Variants in OTUD7B observed in about 807,000 individuals in gnomAD.
OTUD7B encodes OTU deubiquitinase 7B, also known as OTU domain-containing protein 7B.
In OTUD7B, 34 loss-of-function variants were observed where a neutral mutation model predicts 82.2. The observed-to-expected ratio is 0.41, with a 90% CI of 0.31 to 0.55. The LOEUF is 0.55. OTUD7B is among the 20% of genes least tolerant of loss of function. The pLI is 0.20. For synonymous variants in OTUD7B, 398 were observed against 402.7 expected (o/e 0.99, Z 0.14); for missense variants, 944 against 1,062.1 (o/e 0.89, Z 1.55).
the OTUD7B span, among the ~76,000 whole-genome samples, chr1:150,048,855 C>T: frequency 2.6e-3 from 393 of 152,118 alleles, 3 homozygotes; most frequent in African/African-American, 9.0e-3. Flanking sequence ...AAATTTGAGA[C>T]GGAGTCTCAC....
At chr1:150,037,683 G>A in the OTUD7B span, among the ~76,000 whole-genome samples, 7 of 151,468 alleles carry the variant, frequency 4.6e-5, no homozygotes, top group Middle Eastern at 3.4e-3. Context: ...TCCACCTCCC[G>A]GATTCAAGCG....
chr1:149,949,202 AC>A, intron 9 of OTUD7B, 119 bp from the exon 10 acceptor site: 1 of 653,984 alleles, frequency 1.5e-6, no homozygotes, highest in Non-Finnish European at 2.7e-6. Context: ...CTCAATTCTT[AC>A]ACGTGAATTA....
the OTUD7B span, among the ~76,000 whole-genome samples, chr1:150,036,813 T>G: frequency 6.6e-6 from 1 of 152,190 alleles, no homozygotes; most frequent in Non-Finnish European, 1.5e-5. Flanking sequence ...AATAAAAAAA[T>G]CTTTGTTCCA....
At chr1:150,055,528 A>G in the OTUD7B span, among the ~76,000 whole-genome samples, 1 of 152,366 alleles carries the variant, frequency 6.6e-6, no homozygotes, top group South Asian at 2.1e-4. Context: ...CATTCGACCC[A>G]GCAATCCCAT....
chr1:149,965,893 T>C lies in OTUD7B; in HGVS notation c.503-15A>G. Reference sequence around the variant, plus strand: ...GTTCAAACGCCCTGTAGAAACAAGATAGTGGAGGAAAAGGAGATTATCCAT... The same window carrying C: ...GTTCAAACGCCCTGTAGAAACAAGACAGTGGAGGAAAAGGAGATTATCCAT... On this transcript the variant is annotated splice_polypyrimidine_tract_variant and intron_variant, in intron 4 of 11. Transcript: ENST00000581312. The C allele has an allele frequency of 6.3e-7, 1 of 1,599,882 alleles. No individual in the cohort carries two copies. Among genetic ancestry groups the C allele is most frequent in the African/African-American group, 1.3e-5 (1 of 74,760 alleles).
rs781785934 is a variant in OTUD7B at position 149,947,355 on chromosome 1, C to T, written c.1239-20G>A. ...ATTACACTATGAAAAAGAGAAAAAACAAATTACTGTCACCTTTTAAAAGCA... is the reference window on the plus strand; with the variant it reads ...ATTACACTATGAAAAAGAGAAAAAATAAATTACTGTCACCTTTTAAAAGCA... On this transcript the variant is annotated intron_variant, in intron 10 of 11. Coordinates refer to ENST00000581312, the MANE Select transcript of OTUD7B (RefSeq NM_020205.4). The T allele has an allele frequency of 6.3e-6, 9 of 1,423,106 alleles. No homozygotes were observed. The highest frequency in any genetic ancestry group is 3.4e-5 in the South Asian group (3 of 87,104). 88.2% of individuals were successfully genotyped at this position (1,423,106 alleles called of 1,614,324 possible).
At chr1:149,973,030 C>T (rs1179911882) in intron 2 of OTUD7B, among the ~76,000 whole-genome samples, 2 of 152,182 alleles carry the variant, frequency 1.3e-5, no homozygotes, top group Non-Finnish European at 2.9e-5. Context: ...CCTCTTCCCT[C>T]ACCACCAAGT....
At chr1:149,958,670 C>A (rs894711718) in intron 7 of OTUD7B, among the ~76,000 whole-genome samples, 1 of 152,006 alleles carries the variant, frequency 6.6e-6, no homozygotes, top group African/African-American at 2.4e-5. Flanking sequence ...ATAATTTTAA[C>A]AATAATCAAA....
In OTUD7B at chr1:149,944,392, T is replaced by G. The variant is rs1553771403; in HGVS notation, c.1997A>C (p.Lys666Thr). The G allele has an allele frequency of 6.2e-7, 1 of 1,614,074 alleles. No homozygotes were observed. The highest frequency in any genetic ancestry group is 1.7e-5 in the Admixed American group (1 of 60,012). The change falls in exon 12 of 12, where the codon AAG becomes ACG. Residue 666 changes from lysine to threonine, a missense_variant. Physicochemically the swap from Lys to Thr is moderately conservative, Grantham distance 78. Coordinates refer to ENST00000581312, the MANE Select transcript of OTUD7B (RefSeq NM_020205.4). ...GIGGGPPPAKKPEPDAREEQP... is the reference protein window; with the variant it reads ...GIGGGPPPAKTPEPDAREEQP... The stretch of plus-strand genomic sequence containing the variant: ...CTCTTCCCTAGCATCTGGCTCTGGC[T>G]TTTTGGCTGGAGGAGGGCCACCCCC...
intron 1 of OTUD7B, among the ~76,000 whole-genome samples, chr1:150,005,221 A>G (rs1652586092): frequency 6.6e-6 from 1 of 152,106 alleles, no homozygotes; most frequent in Non-Finnish European, 1.5e-5. Flanking sequence ...CTTACTCCCA[A>G]CTGGACTGTA....
At chr1:150,029,667 T>A in the OTUD7B span, among the ~76,000 whole-genome samples, 1 of 152,198 alleles carries the variant, frequency 6.6e-6, no homozygotes, top group South Asian at 2.1e-4. Flanking sequence ...GACAAGCAAT[T>A]TGGTGGTTGC....
At chr1:149,985,498 G>T (rs1651068500) in intron 1 of OTUD7B, among the ~76,000 whole-genome samples, 1 of 152,168 alleles carries the variant, frequency 6.6e-6, no homozygotes, top group Non-Finnish European at 1.5e-5. Context: ...AGCACTTTGG[G>T]AGACCACGGA....
intron 10 of OTUD7B, 137 bp downstream of exon 10, chr1:149,948,832 C>T (rs1234849939): frequency 4.8e-6 from 3 of 621,304 alleles, no homozygotes; most frequent in African/African-American, 1.8e-5. Flanking sequence ...AACCTCTCCT[C>T]TACCTCCCCA....
At chr1:150,057,536 C>G in the OTUD7B span, among the ~76,000 whole-genome samples, 1 of 152,176 alleles carries the variant, frequency 6.6e-6, no homozygotes, top group Non-Finnish European at 1.5e-5. Flanking sequence ...CTCCATGGGT[C>G]AACTGTCTTC....
At chr1:149,981,754 T>C (rs994471465) in intron 1 of OTUD7B, among the ~76,000 whole-genome samples, 18 of 152,238 alleles carry the variant, frequency 1.2e-4, no homozygotes, top group African/African-American at 4.3e-4. Context: ...GCTTCTGCTA[T>C]CTTTGCCTCT....
At chr1:150,058,404 G>T in the OTUD7B span, among the ~76,000 whole-genome samples, 1 of 152,166 alleles carries the variant, frequency 6.6e-6, no homozygotes, top group Non-Finnish European at 1.5e-5. Flanking sequence ...AGCTACTCAG[G>T]AGGCTGAGGG....
At chr1:149,973,948 C>T (rs1462331753) in intron 2 of OTUD7B, among the ~76,000 whole-genome samples, 2 of 150,462 alleles carry the variant, frequency 1.3e-5, no homozygotes, top group African/African-American at 4.9e-5. Flanking sequence ...ATCTCCACCT[C>T]CTGGGTTCAA....
the OTUD7B span, among the ~76,000 whole-genome samples, chr1:150,064,965 C>T: frequency 6.6e-6 from 1 of 152,148 alleles, no homozygotes; most frequent in Admixed American, 6.5e-5. Context: ...ACAAAATGGG[C>T]AGTTAAACCT....
chr1:150,018,685 G>C, the OTUD7B span, among the ~76,000 whole-genome samples: 10 of 152,212 alleles, frequency 6.6e-5, no homozygotes, highest in South Asian at 8.3e-4. Context: ...AGAGGTCCAA[G>C]TCCTTCTCTG....
Sources: allele counts gnomAD v4.1 joint callset (sites outside exome capture counted in the v4.1 genomes callset), GRCh38; gene constraint gnomAD v4.1.1; transcripts MANE v1.5; gene names NCBI Gene and HGNC (gene_info 2026-07-23, HGNC 2026-07-21).